GRK1: variants seen among roughly 807,000 people sequenced by gnomAD.
GRK1 encodes rhodopsin kinase GRK1.
In GRK1, 28 loss-of-function variants were observed where a neutral mutation model predicts 41.7. That is an observed-to-expected ratio of 0.67 (90% confidence interval 0.50 to 0.92). The LOEUF is 0.92. Ranked by LOEUF, GRK1 falls within the 40% of genes least tolerant of loss-of-function variation. The pLI, the probability that GRK1 is intolerant of heterozygous loss-of-function variation, is 0.00. For missense variants in GRK1, 703 were observed against 671.2 expected (o/e 1.05, Z -0.52); for synonymous variants, 327 against 286.7 (o/e 1.14, Z -1.42).
rs1489913327 is a variant in GRK1, at chr13:113,723,147, A to G, written c.1059A>G (p.Ala353=). Residue 353 remains alanine (A), a synonymous_variant, in exon 4 of 7, where the codon GCA becomes GCG. Coordinates refer to ENST00000335678, the MANE Select transcript of GRK1 (RefSeq NM_002929.3). ...GACAGAGCAAGACCAAGGGCTACGC[A>G]GGGACCCCAGGTAAGGGTCTGAGCG... is the stretch of plus-strand genomic sequence containing the variant. ...LDGQSKTKGY[A]GTPGFMAPEL... is the part of the protein sequence containing the mutation. 1 of 701,082 alleles carries G rather than the reference A, an allele frequency of 1.4e-6. No individual in the cohort carries two copies. The highest frequency in any genetic ancestry group is 1.5e-5 in the South Asian group (1 of 67,412). 43.4% of individuals were successfully genotyped at this position (701,082 alleles called of 1,614,324 possible).
chr13:113,734,976 T>A, intron 6 of GRK1, 92 bp from the exon 7 acceptor site: 1 of 1,261,640 alleles, frequency 7.9e-7, no homozygotes, highest in East Asian at 2.6e-5. Flanking sequence ...CCTTTGTGCA[T>A]CTGGGAGCCA....
rs899210623 is a variant in GRK1, at chr13:113,668,732, G to T, written c.699+647G>T. On this transcript the variant is annotated intron_variant, in intron 1 of 6. Coordinates refer to ENST00000335678, the MANE Select transcript of GRK1 (RefSeq NM_002929.3). ...GTCTTAAGGGTGAGGGGCAGCGGCT[G>T]TGCCGGGTGTGGACGTGATCTCCTG... Among the ~76,000 whole-genome samples the T allele has an allele frequency of 2.0e-5, 3 of 152,352 alleles. No homozygotes were observed. In the South Asian group the frequency reaches 6.2e-4, roughly 32 times the overall value.
chr13:113,657,992 G>A, the GRK1 span: 1 of 1,511,554 alleles, frequency 6.6e-7, no homozygotes, highest in Non-Finnish European at 8.9e-7. Context: ...CCTCAGAGCG[G>A]CCCCCTCCAT....
chr13:113,671,412 C>G lies in GRK1; in HGVS notation c.828-87C>G, dbSNP rs1207587015. ...AACGACCAGAACGCTGGCCGAGAGA[C>G]ATGGTTCTGAGGCCCCAGCTCTGTC... On this transcript the variant is annotated intron_variant, in intron 2 of 6. Coordinates refer to ENST00000335678, the MANE Select transcript of GRK1 (RefSeq NM_002929.3). This position sits in a 1 kb window ranked among gnomAD's most constrained non-coding sequence, Gnocchi z 4.1. 1.3e-6 allele frequency: 1 copy of G among 757,834 alleles called. No homozygotes were observed. The highest frequency in any genetic ancestry group is 1.7e-5 in the African/African-American group (1 of 58,884). The allele number at this position is 757,834 out of a possible 1,614,324, so 46.9% of individuals were successfully genotyped here. A position where few individuals can be genotyped will look rare whatever the true frequency, so the allele number is the denominator to read the frequency against.
At chr13:113,732,818 GTGGTC>G in intron 5 of GRK1, 61 bp from the exon 6 acceptor site, 1 of 1,505,248 alleles carries the variant, frequency 6.6e-7, no homozygotes, top group Non-Finnish European at 8.9e-7. Context: ...GGGAGGAGCT[GTGGTC>G]TGGTCTGACC....
chr13:113,651,079 A>C, the GRK1 span, among the ~76,000 whole-genome samples: 1 of 152,070 alleles, frequency 6.6e-6, no homozygotes, highest in Non-Finnish European at 1.5e-5. Context: ...CTTCGAGGGA[A>C]GTGAGGTTCC....
chr13:113,658,024 C>CA, the GRK1 span: 1 of 1,591,188 alleles, frequency 6.3e-7, no homozygotes, highest in Non-Finnish European at 8.5e-7. Flanking sequence ...GCCCGCCCCC[C>CA]GCACGTACCC....
At chr13:113,652,973 C>T in the GRK1 span, 2 of 1,614,216 alleles carry the variant, frequency 1.2e-6, no homozygotes, top group African/African-American at 1.3e-5. Context: ...CGTGAACTTG[C>T]AGGAGAACTT....
intron 5 of GRK1, among the ~76,000 whole-genome samples, chr13:113,732,673 C>T (rs2049945616): frequency 6.6e-6 from 1 of 152,190 alleles, no homozygotes; most frequent in African/African-American, 2.4e-5. Flanking sequence ...AAATGCACGG[C>T]ACCCACCTGT....
At position 113,731,490 on chromosome 13, in the gene GRK1, G is replaced by C. The variant is rs576211162; in HGVS notation, c.1194+147G>C. 1.7e-6 allele frequency: 2 copies of C among 1,197,462 alleles called. No homozygotes were observed. The highest frequency in any genetic ancestry group is 1.5e-5 in the African/African-American group (1 of 65,610). The allele number at this position is 1,197,462 out of a possible 1,614,324, so 74.2% of individuals were successfully genotyped here. On this transcript the variant is annotated intron_variant, in intron 5 of 6. Transcript: ENST00000335678. The surrounding 1 kb of genome is among the most constrained non-coding windows in gnomAD (Gnocchi z 5.6). ...GGGGAGGGCACAGATTCACGTGCTG[G>C]GGTCTTGCTCCTGGGCCATGCTGTT... is the stretch of plus-strand genomic sequence containing the variant.
chr13:113,649,257 T>C, the GRK1 span: 1 of 1,298,222 alleles, frequency 7.7e-7, no homozygotes, highest in Non-Finnish European at 1.0e-6. This position sits in a 1 kb window ranked among gnomAD's most constrained non-coding sequence, Gnocchi z 4.7. Context: ...ACAACACCGT[T>C]GCTCCAAACC....
Position 113,669,774 on chromosome 13 carries a change from CTCTG to C in GRK1, c.792_795del (p.Cys264TrpfsTer2). 1.2e-6 allele frequency: 2 copies of C among 1,613,978 alleles called. No homozygotes were observed. Among genetic ancestry groups the C allele is most frequent in the East Asian group, 2.2e-5 (1 of 44,876 alleles). Reference sequence around the variant, plus strand: ...CTATGCGTTTGAAACCAAAGCCGACCTCTGTCTGGTGATGACCATCATGAACGGA... The same window carrying C: ...CTATGCGTTTGAAACCAAAGCCGACCTCTGGTGATGACCATCATGAACGGA... On this transcript the variant is annotated frameshift_variant, in exon 2 of 7. Transcript: ENST00000335678. LOFTEE classifies it high-confidence loss of function.
chr13:113,723,261 T>C, intron 4 of GRK1, 104 bp downstream of exon 4: 7 of 570,718 alleles, frequency 1.2e-5, no homozygotes, highest in South Asian at 1.2e-4. Context: ...TTTGTGTATA[T>C]AGGTGTGTCT....
the GRK1 span, among the ~76,000 whole-genome samples, chr13:113,657,165 T>C: frequency 1.1e-3 from 173 of 151,918 alleles, no homozygotes; most frequent in African/African-American, 3.9e-3. Context: ...CACACACAGG[T>C]GGGGCGGGCC....
the GRK1 span, chr13:113,649,513 A>T: frequency 6.5e-7 from 1 of 1,538,534 alleles, no homozygotes; most frequent in Non-Finnish European, 8.8e-7. This position sits in a 1 kb window ranked among gnomAD's most constrained non-coding sequence, Gnocchi z 4.7. Flanking sequence ...CTTCGCTGCC[A>T]CCAGGGGGTT....
In GRK1 at chr13:113,737,726, GCCT is replaced by G. The variant is rs2050014896; in HGVS notation, c.*2370_*2372del. Reference sequence around the variant, plus strand: ...CCTGGACTGCAAAATAAACCTCCCGGCCTCCTCCTGTCCTGGCTCTGAGCGTCT... The same window carrying G: ...CCTGGACTGCAAAATAAACCTCCCGGCCTCCTGTCCTGGCTCTGAGCGTCT... On this transcript the variant is annotated 3_prime_UTR_variant, in exon 7 of 7. Transcript: ENST00000335678. 1 of 152,590 alleles carries G rather than the reference GCCT, an allele frequency of 6.6e-6. No homozygotes were observed. The highest frequency in any genetic ancestry group is 1.5e-5 in the Non-Finnish European group (1 of 68,300). 9.5% of individuals were successfully genotyped at this position (152,590 alleles called of 1,614,324 possible).
At chr13:113,669,917 G>T in intron 2 of GRK1, 103 bp downstream of exon 2, 1 of 1,429,304 alleles carries the variant, frequency 7.0e-7, no homozygotes, top group Non-Finnish European at 9.5e-7. Context: ...GGTGGCCCCA[G>T]GCCTGCCCTC....
the GRK1 span, chr13:113,651,861 G>A: frequency 9.4e-6 from 10 of 1,069,064 alleles, no homozygotes; most frequent in Non-Finnish European, 1.3e-5. Flanking sequence ...AGGGCCCTTG[G>A]TCTGGTTTGC....
intron 4 of GRK1, among the ~76,000 whole-genome samples, chr13:113,723,594 C>A (rs2140722171): frequency 6.6e-6 from 1 of 152,218 alleles, no homozygotes; most frequent in South Asian, 2.1e-4. Flanking sequence ...TGAGTCTCTC[C>A]AGAGGAGGCA....
Sources: gnomAD v4.1 joint callset for allele counts (sites outside exome capture counted in the v4.1 genomes callset) on GRCh38, gnomAD v4.1.1 for gene constraint, Gnocchi (gnomAD v3.1) non-coding constraint, MANE v1.5 for transcripts, NCBI Gene and HGNC (gene_info 2026-07-23, HGNC 2026-07-21) for gene names.